The following DPP10 variants were observed in gnomAD, a reference collection of about 807,000 sequenced individuals.
DPP10 encodes dipeptidyl peptidase like 10, also known as inactive dipeptidyl peptidase 10.
Under a neutral mutation model 120.9 loss-of-function variants are expected in DPP10, and 33 were observed. The ratio of observed to expected loss-of-function variants is 0.27; its 90% CI spans 0.21 to 0.37. DPP10 has a LOEUF of 0.37. Among genes scored for constraint, DPP10 ranks in the 10% least tolerant of loss-of-function variants. DPP10 has a pLI of 1.00. For synonymous variants in DPP10, 337 were observed against 326.1 expected, an observed-to-expected ratio of 1.03 and a Z score of -0.36; for missense variants, 816 against 942.8, an observed-to-expected ratio of 0.87 and a Z score of 1.76.
At chr2:114,649,443 G>A (rs967504340) in intron 1 of DPP10, among the ~76,000 whole-genome samples, 48 of 151,930 alleles carry the variant, frequency 3.2e-4, no homozygotes, top group Non-Finnish European at 6.9e-4. Flanking sequence ...CCGCCTCCCG[G>A]GTTCACGCCA....
At position 115,426,629 on chromosome 2, in the gene DPP10, G is replaced by A. The variant is rs543594985; in HGVS notation, c.272-72881G>A. Among the ~76,000 whole-genome samples, 13 of 151,116 alleles carry A rather than the reference G, an allele frequency of 8.6e-5. No homozygotes were observed. The East Asian group carries it at 2.6e-3, about 30-fold the overall frequency. On this transcript the variant is annotated intron_variant, in intron 3 of 25. Coordinates refer to ENST00000410059, the MANE Select transcript of DPP10 (RefSeq NM_020868.6). ...CATTTCAACATGAGATTCTCACCAG[G>A]TGCCACCTCCGACGCTGGAGATGAC...
At chr2:115,372,618 G>T (rs1258125780) in intron 3 of DPP10, among the ~76,000 whole-genome samples, 1 of 152,144 alleles carries the variant, frequency 6.6e-6, no homozygotes, top group East Asian at 1.9e-4. Flanking sequence ...CTTACTTGCG[G>T]TAACTGGCTA....
intron 1 of DPP10, among the ~76,000 whole-genome samples, chr2:115,210,196 G>A (rs933368104): frequency 6.6e-6 from 1 of 152,000 alleles, no homozygotes; most frequent in African/African-American, 2.4e-5. Context: ...ACAGGCCCTG[G>A]TGTGTGGTGT....
chr2:114,536,205 C>T (rs1686471979), intron 1 of DPP10, among the ~76,000 whole-genome samples: 1 of 152,034 alleles, frequency 6.6e-6, no homozygotes, highest in South Asian at 2.1e-4. Flanking sequence ...TGCATGCTGC[C>T]TGACAGTGTA....
intron 1 of DPP10, among the ~76,000 whole-genome samples, chr2:114,594,977 T>C (rs1002839255): frequency 1.3e-5 from 2 of 152,096 alleles, no homozygotes; most frequent in Admixed American, 6.6e-5. Context: ...TGTTCTCTCC[T>C]TCCAGATTAT....
At chr2:115,232,491 T>A (rs2057784824) in intron 1 of DPP10, among the ~76,000 whole-genome samples, 1 of 152,216 alleles carries the variant, frequency 6.6e-6, no homozygotes, top group African/African-American at 2.4e-5. Context: ...AACTTATACA[T>A]GCTTCAATCT....
At chr2:115,407,846 G>A (rs760372622) in intron 3 of DPP10, among the ~76,000 whole-genome samples, 6 of 151,808 alleles carry the variant, frequency 4.0e-5, no homozygotes, top group African/African-American at 7.3e-5. Flanking sequence ...ACCTATCAGT[G>A]AAGAGAGGAC....
At chr2:115,202,108 TTA>T (rs1450146451) in intron 1 of DPP10, among the ~76,000 whole-genome samples, 2 of 152,186 alleles carry the variant, frequency 1.3e-5, no homozygotes, top group African/African-American at 2.4e-5. Context: ...TTATTTATTT[TTA>T]TAGAGATGTA....
At chr2:115,749,372 A>T (rs1005318329) in intron 10 of DPP10, among the ~76,000 whole-genome samples, 2 of 152,088 alleles carry the variant, frequency 1.3e-5, no homozygotes, top group African/African-American at 4.8e-5. Context: ...TTCTTACTCT[A>T]TGTCCTTAGC....
chr2:114,855,372 C>A (rs942262490), intron 1 of DPP10, among the ~76,000 whole-genome samples: 3 of 152,168 alleles, frequency 2.0e-5, no homozygotes, highest in South Asian at 2.1e-4. Context: ...ATAAAGATAA[C>A]AAATACACCT....
intron 1 of DPP10, among the ~76,000 whole-genome samples, chr2:114,490,480 G>A (rs1195326458): frequency 2.9e-5 from 4 of 138,864 alleles, no homozygotes; most frequent in Non-Finnish European, 6.4e-5. Context: ...CAGGTAAAGG[G>A]CCCTTGAGAG....
At chr2:115,379,293 G>T (rs1363509630) in intron 3 of DPP10, among the ~76,000 whole-genome samples, 1 of 152,180 alleles carries the variant, frequency 6.6e-6, no homozygotes, top group Non-Finnish European at 1.5e-5. Context: ...GAGTGTATGT[G>T]TCGAGGAATT....
chr2:114,809,697 G>T (rs1685023076), intron 1 of DPP10, among the ~76,000 whole-genome samples: 1 of 152,152 alleles, frequency 6.6e-6, no homozygotes, highest in Non-Finnish European at 1.5e-5. Flanking sequence ...CTTACTTGGA[G>T]GCTGTCTCAG....
chr2:114,839,918 AC>A (rs2106443183), intron 1 of DPP10, among the ~76,000 whole-genome samples: 1 of 152,346 alleles, frequency 6.6e-6, no homozygotes. Flanking sequence ...CTCAGGGCTT[AC>A]AACTGAAAAA....
chr2:115,611,784 G>T (rs1445623236), intron 5 of DPP10, among the ~76,000 whole-genome samples: 1 of 152,064 alleles, frequency 6.6e-6, no homozygotes, highest in East Asian at 1.9e-4. Context: ...TAGTAGGGTT[G>T]CCTTGATGAA....
At chr2:114,697,379 C>G (rs1573990549) in intron 1 of DPP10, among the ~76,000 whole-genome samples, 1 of 151,972 alleles carries the variant, frequency 6.6e-6, no homozygotes, top group South Asian at 2.1e-4. Flanking sequence ...ATAGAATGCT[C>G]TAAGTTAGTA....
chr2:115,392,071 A>G (rs951313938), intron 3 of DPP10, among the ~76,000 whole-genome samples: 5 of 152,156 alleles, frequency 3.3e-5, no homozygotes, highest in Non-Finnish European at 7.4e-5. Flanking sequence ...GTTGGTTCTT[A>G]TGGTCATTAA....
intron 1 of DPP10, among the ~76,000 whole-genome samples, chr2:114,664,440 C>T (rs1350703969): frequency 6.6e-6 from 1 of 151,740 alleles, no homozygotes; most frequent in Non-Finnish European, 1.5e-5. Flanking sequence ...ACCAGCCTGA[C>T]CAACATGGTG....
intron 19 of DPP10, among the ~76,000 whole-genome samples, chr2:115,793,630 G>A (rs1186843364): frequency 6.6e-6 from 1 of 151,964 alleles, no homozygotes. Flanking sequence ...TACTAAAATA[G>A]ATAAAATAGT....
Sources: gnomAD v4.1 joint callset for allele counts (sites outside exome capture counted in the v4.1 genomes callset) on GRCh38, gnomAD v4.1.1 for gene constraint, MANE v1.5 for transcripts, NCBI Gene and HGNC (gene_info 2026-07-23, HGNC 2026-07-21) for gene names.